The following FSTL4 variants were observed in gnomAD, a reference collection of about 807,000 sequenced individuals.
The protein encoded by FSTL4 is follistatin-related protein 4.
In FSTL4, 28 loss-of-function variants were observed where a neutral mutation model predicts 78.2. That is an observed-to-expected ratio of 0.36 (90% CI 0.27 to 0.49). The LOEUF (loss-of-function observed/expected upper bound fraction) is 0.49. Ranked by LOEUF, FSTL4 falls within the 20% of genes least tolerant of loss-of-function variation. The pLI, the probability that FSTL4 is intolerant of heterozygous loss-of-function variation, is 0.98. For missense variants in FSTL4, 922 were observed against 1,084.9 expected (o/e 0.85, Z 2.11); for synonymous variants, 422 against 440.5 (o/e 0.96, Z 0.53).
At chr5:133,563,075 T>C (rs983819322) in intron 3 of FSTL4, among the ~76,000 whole-genome samples, 5 of 152,190 alleles carry the variant, frequency 3.3e-5, no homozygotes, top group Admixed American at 6.5e-5. Flanking sequence ...GCCATCACTC[T>C]TTCCCATGCA....
At chr5:133,529,076 G>T (rs1759197203) in intron 3 of FSTL4, among the ~76,000 whole-genome samples, 1 of 152,202 alleles carries the variant, frequency 6.6e-6, no homozygotes, top group African/African-American at 2.4e-5. Context: ...GCCATTGTCA[G>T]CCTGGATCCA....
the FSTL4 span, among the ~76,000 whole-genome samples, chr5:133,786,649 A>G: frequency 6.6e-6 from 1 of 152,214 alleles, no homozygotes; most frequent in African/African-American, 2.4e-5. Flanking sequence ...AATTCCCAAG[A>G]CAGGCCAGCC....
At chr5:133,782,920 C>A in the FSTL4 span, among the ~76,000 whole-genome samples, 1 of 152,150 alleles carries the variant, frequency 6.6e-6, no homozygotes, top group African/African-American at 2.4e-5. Flanking sequence ...GAGGAGGAAC[C>A]CTGTCCACTA....
At chr5:133,506,157 T>G (rs548420291) in intron 3 of FSTL4, among the ~76,000 whole-genome samples, 1 of 152,102 alleles carries the variant, frequency 6.6e-6, no homozygotes, top group Non-Finnish European at 1.5e-5. Context: ...TGTAAAAAAA[T>G]AACGACTGTC....
chr5:133,291,128 GA>G (rs1270540515), intron 6 of FSTL4, among the ~76,000 whole-genome samples: 1 of 152,260 alleles, frequency 6.6e-6, no homozygotes, highest in African/African-American at 2.4e-5. Flanking sequence ...TGGGAAGGGG[GA>G]AAGTATGTTG....
At chr5:133,769,915 C>A in the FSTL4 span, among the ~76,000 whole-genome samples, 1 of 152,058 alleles carries the variant, frequency 6.6e-6, no homozygotes, top group Non-Finnish European at 1.5e-5. Context: ...TCCATGGGTA[C>A]CCATTGTTCA....
In FSTL4 at chr5:133,590,286, T is replaced by C. The variant is rs564869745; in HGVS notation, c.126+13572A>G. The stretch of plus-strand genomic sequence containing the variant: ...TTCATCCTCACCCTAGAGATGTCCC[T>C]GGTTCCCTAGCCCTCTCTAACTCTT... On this transcript the variant is annotated intron_variant, in intron 2 of 15. Coordinates refer to ENST00000265342, the MANE Select transcript of FSTL4 (RefSeq NM_015082.2). Among the ~76,000 whole-genome samples, 3 of 152,234 alleles carry C rather than the reference T, an allele frequency of 2.0e-5. No homozygotes were observed. In the East Asian group the frequency reaches 5.8e-4, roughly 29 times the overall value.
At chr5:133,533,922 C>G (rs1759303905) in intron 3 of FSTL4, among the ~76,000 whole-genome samples, 1 of 152,128 alleles carries the variant, frequency 6.6e-6, no homozygotes, top group Admixed American at 6.5e-5. Context: ...CAGTGCTCCT[C>G]CTGCAGTGCT....
chr5:133,746,510 G>A, the FSTL4 span, among the ~76,000 whole-genome samples: 1 of 152,068 alleles, frequency 6.6e-6, no homozygotes, highest in Non-Finnish European at 1.5e-5. Context: ...TCCAGAAATA[G>A]TGAGCAGAAA....
chr5:133,715,490 A>G, the FSTL4 span, among the ~76,000 whole-genome samples: 1 of 152,198 alleles, frequency 6.6e-6, no homozygotes, highest in Non-Finnish European at 1.5e-5. Flanking sequence ...AAACCCAAGA[A>G]CATTTGCACA....
At chr5:133,752,627 AT>A in the FSTL4 span, among the ~76,000 whole-genome samples, 5 of 149,290 alleles carry the variant, frequency 3.3e-5, no homozygotes, top group African/African-American at 1.0e-4. Context: ...ATAAAATAAA[AT>A]TAAATTAAAT....
chr5:133,815,471 C>T, the FSTL4 span, among the ~76,000 whole-genome samples: 3 of 152,068 alleles, frequency 2.0e-5, no homozygotes, highest in African/African-American at 4.8e-5. Flanking sequence ...GGACTATTTC[C>T]GTGGTTTATG....
At chr5:133,430,267 G>A (rs554781472) in intron 3 of FSTL4, among the ~76,000 whole-genome samples, 1 of 152,352 alleles carries the variant, frequency 6.6e-6, no homozygotes, top group Non-Finnish European at 1.5e-5. Flanking sequence ...CCTGGAGCTT[G>A]CTGCTCCCCT....
At chr5:133,592,459 A>C (rs1760652912) in intron 2 of FSTL4, among the ~76,000 whole-genome samples, 2 of 152,252 alleles carry the variant, frequency 1.3e-5, no homozygotes, top group South Asian at 4.1e-4. Flanking sequence ...ATGGATAACG[A>C]ATCACAGATA....
At chr5:133,454,666 C>T (rs894342151) in intron 3 of FSTL4, among the ~76,000 whole-genome samples, 3 of 152,206 alleles carry the variant, frequency 2.0e-5, no homozygotes, top group Non-Finnish European at 2.9e-5. Context: ...GGCAGCCGAG[C>T]GCGAGTCACG....
At chr5:133,511,184 G>A (rs1758724301) in intron 3 of FSTL4, among the ~76,000 whole-genome samples, 1 of 152,122 alleles carries the variant, frequency 6.6e-6, no homozygotes, top group Non-Finnish European at 1.5e-5. Flanking sequence ...AACCTAAGCT[G>A]GCATCTCTCT....
rs1039568377 is a variant in FSTL4, at chr5:133,338,917, C to G, written c.410-22265G>C. On this transcript the variant is annotated intron_variant, in intron 4 of 15. Transcript: ENST00000265342. The surrounding 1 kb of genome is among the most constrained non-coding windows in gnomAD (Gnocchi z 4.0). ...ACCACCTCTGCTGTAGTTCAGGAAG[C>G]CATTAACACCCCCGGATGACCACTA... Among the ~76,000 whole-genome samples the G allele has an allele frequency of 6.6e-6, 1 of 152,080 alleles. No individual in the cohort carries two copies. The highest frequency in any genetic ancestry group is 1.5e-5 in the Non-Finnish European group (1 of 68,028).
chr5:133,579,437 T>A (rs1232672534), intron 2 of FSTL4, among the ~76,000 whole-genome samples: 1 of 152,186 alleles, frequency 6.6e-6, no homozygotes, highest in Non-Finnish European at 1.5e-5. Context: ...TCTGAGACGC[T>A]TCATGTCTAC....
At chr5:133,540,635 A>T (rs1370112924) in intron 3 of FSTL4, among the ~76,000 whole-genome samples, 1 of 150,228 alleles carries the variant, frequency 6.7e-6, no homozygotes, top group Non-Finnish European at 1.5e-5. Flanking sequence ...AACAAGTTTG[A>T]CTTTCAAGCC....
Sources: gnomAD v4.1 joint callset for allele counts (sites outside exome capture counted in the v4.1 genomes callset) on GRCh38, gnomAD v4.1.1 for gene constraint, Gnocchi (gnomAD v3.1) non-coding constraint, MANE v1.5 for transcripts, NCBI Gene and HGNC (gene_info 2026-07-23, HGNC 2026-07-21) for gene names.